Variants in ABCC1 observed in about 807,000 individuals in gnomAD.
ABCC1 encodes the protein ATP binding cassette subfamily C member 1 (ABCC1 blood group), also known as multidrug resistance-associated protein 1.
ABCC1 carries 83 observed loss-of-function variants against 172.9 expected under a neutral mutation model. That is an observed-to-expected ratio of 0.48 (90% CI 0.40 to 0.58). The LOEUF is 0.58. Among genes scored for constraint, ABCC1 ranks in the 20% least tolerant of loss-of-function variants. ABCC1 has a pLI of 0.00. For synonymous variants in ABCC1, 937 were observed against 825.2 expected, an observed-to-expected ratio of 1.14 and a Z score of -2.32; for missense variants, 1,817 against 2,002.7, an observed-to-expected ratio of 0.91 and a Z score of 1.77.
chr16:16,126,345 A>G (rs2283512), intron 26 of ABCC1, among the ~76,000 whole-genome samples: 1 of 151,958 alleles, frequency 6.6e-6, no homozygotes, highest in South Asian at 2.1e-4. Context: ...AACAGGACGG[A>G]TTCTGTCTAT....
At chr16:16,134,021 A>G (rs144558364) in intron 27 of ABCC1, among the ~76,000 whole-genome samples, 2 of 152,308 alleles carry the variant, frequency 1.3e-5, no homozygotes, top group African/African-American at 4.8e-5. Flanking sequence ...ATGCCTGATT[A>G]TTACTTAATA....
chr16:16,000,559 T>G (rs1250596808), intron 1 of ABCC1, among the ~76,000 whole-genome samples: 2 of 152,154 alleles, frequency 1.3e-5, no homozygotes, highest in African/African-American at 4.8e-5. Flanking sequence ...AATTAGGAAG[T>G]GAGTGGTCAT....
chr16:16,032,062 C>G (rs1471751703), intron 5 of ABCC1, among the ~76,000 whole-genome samples: 2 of 152,186 alleles, frequency 1.3e-5, no homozygotes, highest in Non-Finnish European at 2.9e-5. Flanking sequence ...TCGATCATGG[C>G]TCACTGCAAC....
intron 29 of ABCC1, among the ~76,000 whole-genome samples, chr16:16,137,823 G>A (rs998317185): frequency 1.3e-5 from 2 of 151,708 alleles, no homozygotes; most frequent in Non-Finnish European, 2.9e-5. Flanking sequence ...AAGGTGCTGG[G>A]ATACTAGGTG....
At chr16:16,036,627 C>A in intron 7 of ABCC1, 24 bp downstream of exon 7, 1 of 1,610,658 alleles carries the variant, frequency 6.2e-7, no homozygotes, top group Non-Finnish European at 8.5e-7. Flanking sequence ...TCCTTGTCCT[C>A]CAGGATGCCC....
At chr16:16,026,464 C>CTTTTT (rs1491397616) in intron 5 of ABCC1, among the ~76,000 whole-genome samples, 2,259 of 102,036 alleles carry the variant, frequency 0.022, 177 homozygotes, top group Non-Finnish European at 0.031. Context: ...AAGGCTATTT[C>CTTTTT]CTTTTTTTTT....
intron 17 of ABCC1, among the ~76,000 whole-genome samples, chr16:16,086,221 C>G (rs149366152): frequency 6.6e-6 from 1 of 152,210 alleles, no homozygotes; most frequent in African/African-American, 2.4e-5. Context: ...ACCACGTGCC[C>G]TGCTCAGCAC....
At chr16:16,025,415 T>C (rs2151801835) in intron 5 of ABCC1, among the ~76,000 whole-genome samples, 1 of 152,292 alleles carries the variant, frequency 6.6e-6, no homozygotes, top group East Asian at 1.9e-4. Context: ...GGCCCGAGCA[T>C]CTGCGGTTCC....
chr16:16,128,931 G>T (rs1430937788), intron 26 of ABCC1, among the ~76,000 whole-genome samples: 1 of 152,162 alleles, frequency 6.6e-6, no homozygotes, highest in Non-Finnish European at 1.5e-5. Flanking sequence ...GGAGGTGGAG[G>T]TTGCAGTGAG....
In ABCC1 at chr16:16,059,817, C is replaced by T. The variant is rs773485096; in HGVS notation, c.1677+3522C>T. ...AGACCCTTTCCTGCTGCTGCCCCCC[C>T]ACCCCCTCCCAGCCCCCCACAAAAA... On this transcript the variant is annotated intron_variant, in intron 12 of 30. Transcript: ENST00000399410. 6.6e-5 allele frequency among the ~76,000 whole-genome samples: 10 copies of T among 150,946 alleles called. No individual in the cohort carries two copies. In the East Asian group the frequency reaches 2.0e-3, roughly 30 times the overall value.
At position 16,136,485 on chromosome 16, in the gene ABCC1, T is replaced by C; in HGVS notation, c.4133T>C (p.Val1378Ala). The C allele has an allele frequency of 6.2e-7, 1 of 1,614,124 alleles. No homozygotes were observed. Among genetic ancestry groups the C allele is most frequent in the African/African-American group, 1.3e-5 (1 of 75,028 alleles). Residue 1378 changes from valine to alanine, a missense_variant, in exon 29 of 31, where the codon GTT (valine) becomes GCT (alanine). By Grantham distance (64) the Val-to-Ala change is moderately conservative (BLOSUM62 0). Around this residue, in one of 3 missense-constraint regions of ABCC1, gnomAD observed 1,412 missense variants for 1,600.3 expected, o/e 0.88. Transcript: ENST00000399410. ...FKITIIPQDP[V>A]LFSGSLRMNL... ...TCTCTTCTCTCTGAACAGGACCCTG[T>C]TTTGTTTTCGGGTTCCCTCCGAATG...
intron 22 of ABCC1, among the ~76,000 whole-genome samples, chr16:16,112,890 T>G (rs1205530627): frequency 6.6e-6 from 1 of 152,162 alleles, no homozygotes; most frequent in Non-Finnish European, 1.5e-5. Context: ...AACTGAGAGA[T>G]TCAGTGACCA....
At chr16:16,010,229 T>A (rs3784860) in intron 3 of ABCC1, among the ~76,000 whole-genome samples, 71,267 of 151,148 alleles carry the variant, frequency 0.47, 17,210 homozygotes, top group Non-Finnish European at 0.53. Context: ...TAATTTTAAA[T>A]TTTTCTGTAG....
chr16:16,082,230 T>C (rs1360592655), intron 16 of ABCC1, among the ~76,000 whole-genome samples: 2 of 152,226 alleles, frequency 1.3e-5, no homozygotes, highest in Non-Finnish European at 1.5e-5. Flanking sequence ...CGGACTTGAA[T>C]GCTCTTCCCT....
At chr16:16,071,032 C>A (rs2050326143) in intron 13 of ABCC1, among the ~76,000 whole-genome samples, 2 of 152,084 alleles carry the variant, frequency 1.3e-5, no homozygotes, top group African/African-American at 4.8e-5. Flanking sequence ...TGTTACGTTT[C>A]CAGAGTCCCT....
chr16:16,120,505 G>C (rs1386706193), intron 23 of ABCC1, among the ~76,000 whole-genome samples: 2 of 152,172 alleles, frequency 1.3e-5, no homozygotes, highest in Non-Finnish European at 2.9e-5. Context: ...GGGGGAGGCA[G>C]AGCAGATGAA....
chr16:16,111,176 G>C (rs1027304946), intron 21 of ABCC1, among the ~76,000 whole-genome samples, 199 bp from the exon 22 acceptor site: 17 of 152,208 alleles, frequency 1.1e-4, no homozygotes, highest in African/African-American at 4.1e-4. Flanking sequence ...TGGGATTACA[G>C]GTGTGAGCCA....
At chr16:15,951,233 G>A (rs2045864551) in intron 1 of ABCC1, among the ~76,000 whole-genome samples, 1 of 152,092 alleles carries the variant, frequency 6.6e-6, no homozygotes, top group South Asian at 2.1e-4. Flanking sequence ...ATTTTCTTCT[G>A]AATTGAGGAG....
At chr16:16,109,788 AG>A (rs1416674643) in intron 21 of ABCC1, among the ~76,000 whole-genome samples, 3 of 152,174 alleles carry the variant, frequency 2.0e-5, no homozygotes, top group Admixed American at 2.0e-4. Flanking sequence ...AGGCTGGCCC[AG>A]TTGTGGTGTT....
Sources: gnomAD v4.1 joint callset for allele counts (sites outside exome capture counted in the v4.1 genomes callset) on GRCh38, gnomAD v4.1.1 for gene constraint, gnomAD v4.1.1 regional missense constraint, MANE v1.5 for transcripts, NCBI Gene and HGNC (gene_info 2026-07-23, HGNC 2026-07-21) for gene names.